MTA3: variants seen among roughly 807,000 people sequenced by gnomAD.
MTA3 encodes the protein metastasis associated 1 family member 3, also known as metastasis-associated protein MTA3.
A neutral mutation model predicts 83.5 loss-of-function variants in MTA3; 34 were observed. The observed-to-expected ratio is 0.41, with a 90% confidence interval of 0.31 to 0.54. MTA3 has a LOEUF of 0.54. Ranked by LOEUF, MTA3 falls within the 20% of genes least tolerant of loss-of-function variation. The pLI is 0.33. For synonymous variants in MTA3, 303 were observed against 252.7 expected (o/e 1.20, Z -1.89); for missense variants, 761 against 726.4 (o/e 1.05, Z -0.55).
rs375321753 is a variant in MTA3, at chr2:42,697,857, A to G, written c.1025+23A>G. The G allele has an allele frequency of 8.9e-6, 13 of 1,466,894 alleles. No homozygotes were observed. The African/African-American group carries it at 1.7e-4, about 19-fold the overall frequency. 90.9% of individuals were successfully genotyped at this position (1,466,894 alleles called of 1,614,324 possible). ...CTAGTAAGTAATTGAAATCTTTTAA[A>G]ATATTTGTTTTGGTCTTAATTTTAT... On this transcript the variant is annotated intron_variant, in intron 11 of 16. Transcript: ENST00000405094.
At chr2:42,506,764 C>T (rs1273614595) in intron 2 of MTA3, among the ~76,000 whole-genome samples, 3 of 152,042 alleles carry the variant, frequency 2.0e-5, no homozygotes, top group African/African-American at 7.2e-5. Context: ...CAGACCACCA[C>T]ACCCAGCTAA....
chr2:42,704,186 A>C lies in MTA3; in HGVS notation c.1026-8A>C. The C allele has an allele frequency of 3.1e-6, 5 of 1,613,236 alleles. No individual in the cohort carries two copies. Among genetic ancestry groups the C allele is most frequent in the Non-Finnish European group, 4.2e-6 (5 of 1,179,522 alleles). On this transcript the variant is annotated splice_region_variant and splice_polypyrimidine_tract_variant and intron_variant, in intron 11 of 16. Transcript: ENST00000405094. ...CATTTTATCACCTTATTTTAATTTC[A>C]TTGAAAGCAGCAAACCAAATCCCAA...
intron 2 of MTA3, among the ~76,000 whole-genome samples, chr2:42,576,698 G>GACT (rs1679064576): frequency 1.3e-5 from 2 of 152,142 alleles, no homozygotes; most frequent in Admixed American, 1.3e-4. Flanking sequence ...AGGAGTCTGA[G>GACT]ACTAGCCTGG....
intron 11 of MTA3, among the ~76,000 whole-genome samples, chr2:42,700,953 C>T (rs1299602165): frequency 1.3e-5 from 2 of 152,018 alleles, no homozygotes; most frequent in Non-Finnish European, 2.9e-5. Flanking sequence ...TAAAAATTAT[C>T]CAGACATGGA....
At chr2:42,692,340 T>C (rs1282114195) in intron 9 of MTA3, among the ~76,000 whole-genome samples, 2 of 135,186 alleles carry the variant, frequency 1.5e-5, no homozygotes, top group Non-Finnish European at 3.1e-5. Flanking sequence ...CTCTGTTAAA[T>C]TTATCTGACA....
chr2:42,609,505 G>C lies in MTA3; in HGVS notation c.238G>C (p.Asp80His), dbSNP rs1471556598. 7 of 1,613,708 alleles carry C rather than the reference G, an allele frequency of 4.3e-6. No homozygotes were observed. Among genetic ancestry groups the C allele is most frequent in the East Asian group, 2.2e-5 (1 of 44,878 alleles). The change falls in exon 4 of 17, where the codon GAT becomes CAT. Residue 80 changes from aspartate to histidine, a missense_variant. By Grantham distance (81) the Asp-to-His change is moderately conservative. Transcript: ENST00000405094. The stretch of plus-strand genomic sequence containing the variant: ...AACAACAGTTGAGGCTGACTTGACC[G>C]ATAAGCAGAAACATCAGTTGAAACA... ...SETTVEADLT[D>H]KQKHQLKHRE...
chr2:42,562,230 A>G lies in MTA3; in HGVS notation c.-140-8207A>G, dbSNP rs1162235676. On this transcript the variant is annotated intron_variant, in intron 2 of 17. Coordinates refer to the MTA3 transcript ENST00000405592. ...TCATCTTGAGATCTTCAGCTTAATTATATCTGCAAACACACTTTTTCCAAA... is the reference window on the plus strand; with the variant it reads ...TCATCTTGAGATCTTCAGCTTAATTGTATCTGCAAACACACTTTTTCCAAA... Among the ~76,000 whole-genome samples the G allele has an allele frequency of 2.6e-5, 4 of 152,148 alleles. No homozygotes were observed. In the East Asian group the frequency reaches 7.7e-4, roughly 29 times the overall value.
chr2:42,722,817 A>AT, intron 15 of MTA3, 72 bp from the exon 16 acceptor site: 1 of 1,498,030 alleles, frequency 6.7e-7, no homozygotes, highest in Non-Finnish European at 9.0e-7. Context: ...ATGTGTGCCT[A>AT]TTAGCCAATG....
At chr2:42,538,626 T>G (rs1021080825) in intron 2 of MTA3, among the ~76,000 whole-genome samples, 1 of 150,454 alleles carries the variant, frequency 6.6e-6, no homozygotes, top group Non-Finnish European at 1.5e-5. Flanking sequence ...GAGACTCACT[T>G]GAACCTGGGA....
rs1241082591 is a variant in MTA3 at position 42,644,931 on chromosome 2, G to A, written c.499+687G>A. Among the ~76,000 whole-genome samples the A allele has an allele frequency of 2.6e-5, 4 of 152,150 alleles. No homozygotes were observed. The East Asian group carries it at 7.7e-4, about 29-fold the overall frequency. On this transcript the variant is annotated intron_variant, in intron 6 of 16. Coordinates refer to ENST00000405094, the MANE Select transcript of MTA3 (RefSeq NM_001330442.2). The stretch of plus-strand genomic sequence containing the variant: ...TGAGACACAACAATATTGAACTTAA[G>A]CCAGTTAATAACCCTGCAGTGGCCG...
chr2:42,514,128 A>C lies in MTA3; in HGVS notation c.-141+18874A>C, dbSNP rs1572904049. Among the ~76,000 whole-genome samples, 3 of 152,194 alleles carry C rather than the reference A, an allele frequency of 2.0e-5. No homozygotes were observed. In the East Asian group the frequency reaches 5.8e-4, roughly 29 times the overall value. On this transcript the variant is annotated intron_variant, in intron 2 of 17. Coordinates refer to the MTA3 transcript ENST00000405592. ...CTTGGGAGGCTGAGGCAGGAGAATCACTTGAACCTGGGAGGCAGAAGTTGG... is the reference window on the plus strand; with the variant it reads ...CTTGGGAGGCTGAGGCAGGAGAATCCCTTGAACCTGGGAGGCAGAAGTTGG...
At chr2:42,669,778 C>CT (rs1282216740) in intron 8 of MTA3, among the ~76,000 whole-genome samples, 1 of 151,964 alleles carries the variant, frequency 6.6e-6, no homozygotes, top group Admixed American at 6.6e-5. Flanking sequence ...GAGATTTTTT[C>CT]TTTTTTGGGG....
At chr2:42,635,155 C>A (rs190337727) in intron 4 of MTA3, among the ~76,000 whole-genome samples, 1 of 152,220 alleles carries the variant, frequency 6.6e-6, no homozygotes, top group Admixed American at 6.5e-5. Flanking sequence ...CTGTTTTATG[C>A]GGTTGCTGTT....
intron 2 of MTA3, among the ~76,000 whole-genome samples, chr2:42,508,911 A>G (rs1380546456): frequency 1.3e-5 from 2 of 148,922 alleles, no homozygotes; most frequent in Non-Finnish European, 3.0e-5. Context: ...AACATATAGT[A>G]TATATGTTGG....
chr2:42,670,864 A>G (rs142897342), intron 8 of MTA3, among the ~76,000 whole-genome samples: 1 of 152,126 alleles, frequency 6.6e-6, no homozygotes, highest in East Asian at 1.9e-4. Flanking sequence ...GGATATTCTC[A>G]TATATTAGTT....
At chr2:42,707,695 A>T (rs1666225511) in intron 12 of MTA3, among the ~76,000 whole-genome samples, 1 of 152,232 alleles carries the variant, frequency 6.6e-6, no homozygotes. Flanking sequence ...CAGGGCCACA[A>T]GCACTTTATA....
chr2:42,708,732 T>G, intron 13 of MTA3, 142 bp from the exon 14 acceptor site: 3 of 834,944 alleles, frequency 3.6e-6, no homozygotes, highest in Non-Finnish European at 5.8e-6. Flanking sequence ...AATTCTCTCT[T>G]TTAGAGGTAG....
chr2:42,672,488 C>CA (rs1179400417), intron 8 of MTA3, among the ~76,000 whole-genome samples: 5 of 150,920 alleles, frequency 3.3e-5, no homozygotes, highest in South Asian at 4.2e-4. Context: ...ACTAAAAATA[C>CA]AAAAAAATTA....
chr2:42,600,968 G>A (rs1323921771), intron 3 of MTA3, among the ~76,000 whole-genome samples: 3 of 151,904 alleles, frequency 2.0e-5, no homozygotes, highest in Admixed American at 1.3e-4. Context: ...GTGCAGTAGC[G>A]TGTTCTTGGC....
Sources: gnomAD v4.1 joint callset for allele counts (sites outside exome capture counted in the v4.1 genomes callset) on GRCh38, gnomAD v4.1.1 for gene constraint, MANE v1.5 for transcripts, NCBI Gene and HGNC (gene_info 2026-07-23, HGNC 2026-07-21) for gene names.